Variants in RIGI observed in about 807,000 individuals in gnomAD.
RIGI encodes RNA sensor RIG-I.
At chr9:32,504,701 A>ATC in the RIGI span, among the ~76,000 whole-genome samples, 1 of 145,674 alleles carries the variant, frequency 6.9e-6, no homozygotes, top group Non-Finnish European at 1.5e-5. Context: ...ATATATATAT[A>ATC]TTATACATTT....
At chr9:32,456,857 T>G in the RIGI span, 1 of 401,852 alleles carries the variant, frequency 2.5e-6, no homozygotes, top group Non-Finnish European at 4.5e-6. Context: ...GTGTGTTTGT[T>G]GGCAGTTGAC....
chr9:32,481,202 C>T, the RIGI span: 1 of 803,444 alleles, frequency 1.2e-6, no homozygotes, highest in Non-Finnish European at 1.9e-6. Context: ...TTGGAGTTTG[C>T]TTCATAAGAA....
the RIGI span, among the ~76,000 whole-genome samples, chr9:32,477,471 A>C: frequency 2.6e-4 from 39 of 152,306 alleles, no homozygotes; most frequent in African/African-American, 9.1e-4. Flanking sequence ...AACAATAGGG[A>C]AACAGTTCAA....
At chr9:32,458,174 C>G in the RIGI span, among the ~76,000 whole-genome samples, 3 of 152,172 alleles carry the variant, frequency 2.0e-5, no homozygotes, top group Non-Finnish European at 4.4e-5. Flanking sequence ...ACTGTGCCCC[C>G]CATGCAAGAG....
chr9:32,508,529 C>T, the RIGI span, among the ~76,000 whole-genome samples: 1 of 152,080 alleles, frequency 6.6e-6, no homozygotes, highest in South Asian at 2.1e-4. Flanking sequence ...CAAGGGAAGC[C>T]ATGAGGGACT....
chr9:32,505,398 C>G, the RIGI span, among the ~76,000 whole-genome samples: 1 of 152,072 alleles, frequency 6.6e-6, no homozygotes, highest in African/African-American at 2.4e-5. Context: ...AACTTACTTT[C>G]CGGTATTTTT....
the RIGI span, among the ~76,000 whole-genome samples, chr9:32,497,695 C>A: frequency 1.7e-4 from 26 of 152,134 alleles, no homozygotes; most frequent in Non-Finnish European, 3.5e-4. Context: ...TGCAGTGAGC[C>A]GAGATTGCGC....
chr9:32,480,320 G>A, the RIGI span: 1 of 1,607,840 alleles, frequency 6.2e-7, no homozygotes, highest in Non-Finnish European at 8.5e-7. Context: ...TTTCATTCGT[G>A]CATGCTCACT....
At chr9:32,478,628 C>T in the RIGI span, among the ~76,000 whole-genome samples, 8 of 151,998 alleles carry the variant, frequency 5.3e-5, no homozygotes, top group East Asian at 1.2e-3. Context: ...GGTGCAATCT[C>T]GGCTCACTGC....
At chr9:32,457,392 A>C in the RIGI span, 2 of 1,614,074 alleles carry the variant, frequency 1.2e-6, no homozygotes, top group South Asian at 2.2e-5. Context: ...CCTTAAAAGC[A>C]TCTCCAAGCA....
chr9:32,476,161 A>T, the RIGI span, among the ~76,000 whole-genome samples: 5 of 152,168 alleles, frequency 3.3e-5, no homozygotes, highest in African/African-American at 4.8e-5. Flanking sequence ...TTTAAAAAGT[A>T]AAAAAAGGAA....
At chr9:32,492,531 G>C in the RIGI span, 3 of 1,614,072 alleles carry the variant, frequency 1.9e-6, no homozygotes, top group Non-Finnish European at 2.5e-6. Context: ...CCCCTTAGTA[G>C]AGCAAATCTA....
chr9:32,460,948 C>G, the RIGI span, among the ~76,000 whole-genome samples: 6 of 151,730 alleles, frequency 4.0e-5, no homozygotes, highest in African/African-American at 1.5e-4. Context: ...AGAAGCTGAA[C>G]AAGCTCCAAA....
At chr9:32,481,663 G>A in the RIGI span, among the ~76,000 whole-genome samples, 3 of 151,464 alleles carry the variant, frequency 2.0e-5, no homozygotes, top group Non-Finnish European at 4.4e-5. Flanking sequence ...TTGGCTCACC[G>A]CAACCTCCAC....
the RIGI span, among the ~76,000 whole-genome samples, chr9:32,514,842 A>G: frequency 6.6e-6 from 1 of 152,040 alleles, no homozygotes; most frequent in Non-Finnish European, 1.5e-5. Flanking sequence ...CATTACAAGA[A>G]CTCCTTTTTT....
At chr9:32,472,401 G>A in the RIGI span, among the ~76,000 whole-genome samples, 2 of 152,214 alleles carry the variant, frequency 1.3e-5, no homozygotes, top group Non-Finnish European at 2.9e-5. Flanking sequence ...CATTGTGATG[G>A]CTTTTTGATG....
chr9:32,512,372 A>C, the RIGI span, among the ~76,000 whole-genome samples: 2 of 152,170 alleles, frequency 1.3e-5, no homozygotes, highest in Non-Finnish European at 2.9e-5. Flanking sequence ...TATTCACCAT[A>C]ATCAGGTCTG....
At chr9:32,485,880 G>C in the RIGI span, among the ~76,000 whole-genome samples, 1 of 151,990 alleles carries the variant, frequency 6.6e-6, no homozygotes, top group East Asian at 1.9e-4. Context: ...CCTCCTCTCT[G>C]ATGAGGCGGG....
chr9:32,457,336 C>T, the RIGI span: 6 of 1,614,052 alleles, frequency 3.7e-6, no homozygotes, highest in Non-Finnish European at 5.1e-6. Context: ...TTTTTCAAAA[C>T]TTGAAAACTG....
Sources: gnomAD v4.1 joint callset for allele counts (sites outside exome capture counted in the v4.1 genomes callset) on GRCh38, gnomAD v4.1.1 for gene constraint, MANE v1.5 for transcripts, NCBI Gene and HGNC (gene_info 2026-07-23, HGNC 2026-07-21) for gene names.